The following ABAT variants were observed in gnomAD, a reference collection of about 807,000 sequenced individuals.
ABAT encodes the protein 4-aminobutyrate aminotransferase, mitochondrial.
Under a neutral mutation model 64.6 loss-of-function variants are expected in ABAT, and 45 were observed. That is an observed-to-expected ratio of 0.70 (90% CI 0.55 to 0.89). ABAT has a LOEUF of 0.89. Ranked by LOEUF, ABAT falls within the 40% of genes least tolerant of loss-of-function variation. ABAT has a pLI of 0.00. For synonymous variants in ABAT, 297 were observed against 250.5 expected, an observed-to-expected ratio of 1.19 and a Z score of -1.75; for missense variants, 633 against 658.4, an observed-to-expected ratio of 0.96 and a Z score of 0.42.
rs564050819 is a variant in ABAT at position 8,733,666 on chromosome 16, C to G, written c.-41-2033C>G. ...CCAACACAGCGAAACCCCGTCTCCA[C>G]CAAAACCAGTCAGGCGTGGCGGCGT... On this transcript the variant is annotated intron_variant, in intron 1 of 15. Coordinates refer to ENST00000268251, the MANE Select transcript of ABAT (RefSeq NM_020686.6). Among the ~76,000 whole-genome samples, 33 of 151,974 alleles carry G rather than the reference C, an allele frequency of 2.2e-4. 1 individual carries two copies. The highest frequency in any genetic ancestry group is 7.3e-4 in the African/African-American group (30 of 41,218).
At chr16:8,702,338 C>T (rs147647207) in intron 1 of ABAT, among the ~76,000 whole-genome samples, 22 of 152,062 alleles carry the variant, frequency 1.4e-4, no homozygotes, top group African/African-American at 3.4e-4. Context: ...CTGCAACCTC[C>T]GCCTCCTGGG....
intron 1 of ABAT, among the ~76,000 whole-genome samples, chr16:8,692,256 T>C (rs1338220594): frequency 2.0e-5 from 3 of 152,124 alleles, no homozygotes; most frequent in Non-Finnish European, 4.4e-5. Flanking sequence ...TGGTTCATGC[T>C]TGTGGTCCCA....
chr16:8,713,570 C>T (rs761612450), intron 1 of ABAT: 6 of 250,920 alleles, frequency 2.4e-5, no homozygotes, highest in Admixed American at 4.8e-5. Context: ...TTCCCCTCCT[C>T]CTTCACCTTC....
intron 1 of ABAT, among the ~76,000 whole-genome samples, chr16:8,725,204 G>C (rs2058512975): frequency 6.6e-6 from 1 of 152,196 alleles, no homozygotes; most frequent in Non-Finnish European, 1.5e-5. Context: ...GCGTGAGCCA[G>C]CGCGCCTGGC....
intron 6 of ABAT, among the ~76,000 whole-genome samples, chr16:8,759,641 T>C (rs1302595315): frequency 1.3e-5 from 2 of 152,182 alleles, no homozygotes; most frequent in African/African-American, 4.8e-5. Flanking sequence ...GCCTCCTGAG[T>C]AGCAGGGACT....
intron 2 of ABAT, among the ~76,000 whole-genome samples, chr16:8,739,726 A>T (rs1490277322): frequency 6.7e-6 from 1 of 149,782 alleles, no homozygotes; most frequent in African/African-American, 2.5e-5. Flanking sequence ...CCCATTTTAC[A>T]AGCATGGAAA....
In ABAT at chr16:8,689,126, A is replaced by G. The variant is rs187600764; in HGVS notation, c.-42+14415A>G. Among the ~76,000 whole-genome samples the G allele has an allele frequency of 4.6e-4, 69 of 150,674 alleles. 1 individual carries two copies. The East Asian group carries it at 0.013, about 29-fold the overall frequency. On this transcript the variant is annotated intron_variant, in intron 1 of 15. Coordinates refer to ENST00000268251, the MANE Select transcript of ABAT (RefSeq NM_020686.6). The stretch of plus-strand genomic sequence containing the variant: ...CAACGTCATTTGTGTTGTTTCTTCT[A>G]TTATCTTCTGGAAGCTTTCATGTTT...
intron 1 of ABAT, among the ~76,000 whole-genome samples, chr16:8,719,958 C>T (rs1343741546): frequency 6.6e-6 from 1 of 152,144 alleles, no homozygotes; most frequent in African/African-American, 2.4e-5. Flanking sequence ...ACTACAGGCA[C>T]CTGCCACCAC....
In ABAT at chr16:8,750,542, A is replaced by G. The variant is rs376810382; in HGVS notation, c.316+3A>G. On this transcript the variant is annotated splice_donor_region_variant and intron_variant, in intron 5 of 15. Transcript: ENST00000268251. ...CCAGATCTCCTCTGTCCCCATAGGT[A>G]AGAGCTGGGAAATCATTCCTTGGAT... 3.1e-6 allele frequency: 5 copies of G among 1,610,360 alleles called. No homozygotes were observed. In the East Asian group the frequency reaches 1.1e-4, roughly 36 times the overall value.
At position 8,776,311 on chromosome 16, in the gene ABAT, G is replaced by T; in HGVS notation, c.1123-33G>T. The T allele has an allele frequency of 6.2e-7, 1 of 1,613,938 alleles. No individual in the cohort carries two copies. The highest frequency in any genetic ancestry group is 8.5e-7 in the Non-Finnish European group (1 of 1,180,002). On this transcript the variant is annotated intron_variant, in intron 13 of 15. Transcript: ENST00000268251. This position sits in a 1 kb window ranked among gnomAD's most constrained non-coding sequence, Gnocchi z 4.4. Reference sequence around the variant, plus strand: ...TGACTCCTGCAGGGTGTGCATGTGTGTGAAGCCTTCCAACACCCGTTCCTC... The same window carrying T: ...TGACTCCTGCAGGGTGTGCATGTGTTTGAAGCCTTCCAACACCCGTTCCTC...
intron 6 of ABAT, among the ~76,000 whole-genome samples, chr16:8,759,877 G>C (rs985287519): frequency 1.3e-5 from 2 of 152,122 alleles, no homozygotes; most frequent in Admixed American, 6.6e-5. Context: ...CATGTAAATG[G>C]AGTTTTGCAG....
chr16:8,772,158 C>T (rs141402811), intron 11 of ABAT, among the ~76,000 whole-genome samples: 2 of 151,878 alleles, frequency 1.3e-5, no homozygotes, highest in African/African-American at 4.8e-5. Context: ...AGAATAGGAA[C>T]AATAATAATC....
chr16:8,734,913 G>C (rs1161970764), intron 1 of ABAT, among the ~76,000 whole-genome samples: 2 of 152,036 alleles, frequency 1.3e-5, no homozygotes, highest in South Asian at 4.1e-4. Context: ...CTCCCAATAA[G>C]AATGGCAATC....
intron 1 of ABAT, among the ~76,000 whole-genome samples, chr16:8,722,258 T>C (rs1217402132): frequency 6.6e-6 from 1 of 152,202 alleles, no homozygotes; most frequent in Admixed American, 6.5e-5. Flanking sequence ...CTAGTTGCCT[T>C]CGTAGCAAAT....
rs755747681 is a variant in ABAT, at chr16:8,774,946, G to A, written c.1011G>A (p.Lys337=). 3.1e-6 allele frequency: 5 copies of A among 1,614,232 alleles called. No individual in the cohort carries two copies. The highest frequency in any genetic ancestry group is 3.4e-6 in the Non-Finnish European group (4 of 1,180,048). ...AGACCGGAGGAGGCTGCACGGGCAAGTTCTGGGCCCATGAGCACTGGGGCC... is the reference window on the plus strand; with the variant it reads ...AGACCGGAGGAGGCTGCACGGGCAAATTCTGGGCCCATGAGCACTGGGGCC... ...EVQTGGGCTG[K]FWAHEHWGLD... The change falls in exon 13 of 16, where the codon AAG becomes AAA. Residue 337 remains lysine, a synonymous_variant. Transcript: ENST00000268251.
chr16:8,724,470 AC>A (rs1296661059), intron 1 of ABAT, among the ~76,000 whole-genome samples: 1 of 152,108 alleles, frequency 6.6e-6, no homozygotes, highest in African/African-American at 2.4e-5. Flanking sequence ...GGTGGTTCAC[AC>A]CTGTAATCCC....
chr16:8,767,759 T>C (rs1460428320), intron 9 of ABAT, among the ~76,000 whole-genome samples: 1 of 152,120 alleles, frequency 6.6e-6, no homozygotes, highest in African/African-American at 2.4e-5. Flanking sequence ...CACTGCAACC[T>C]CTGTCTCCCG....
chr16:8,735,809 G>C lies in ABAT; in HGVS notation c.70G>C (p.Gly24Arg). 1 of 1,600,670 alleles carries C rather than the reference G, an allele frequency of 6.2e-7. No homozygotes were observed. Among genetic ancestry groups the C allele is most frequent in the Non-Finnish European group, 8.5e-7 (1 of 1,173,836 alleles). The change falls in exon 2 of 16, where the codon GGA (glycine) becomes CGA (arginine). Residue 24 changes from glycine to arginine, a missense_variant and splice_region_variant. Coordinates refer to ENST00000268251, the MANE Select transcript of ABAT (RefSeq NM_020686.6). ...FQHSYRLLVP[G>R]SRHISQAAAK... ...GCACAGCTACCGCCTGCTGGTGCCT[G>C]GTAAGCCCCGGGGGTCTTGATAAGA...
chr16:8,768,321 C>T (rs545380653), intron 10 of ABAT, 65 bp downstream of exon 10: 43 of 1,521,404 alleles, frequency 2.8e-5, no homozygotes, highest in African/African-American at 4.1e-5. Context: ...GCAACAATAG[C>T]GGCGGCTGAC....
Sources: gnomAD v4.1 joint callset for allele counts (sites outside exome capture counted in the v4.1 genomes callset) on GRCh38, gnomAD v4.1.1 for gene constraint, Gnocchi (gnomAD v3.1) non-coding constraint, MANE v1.5 for transcripts, NCBI Gene and HGNC (gene_info 2026-07-23, HGNC 2026-07-21) for gene names.